The following HMCN1 variants were observed in gnomAD, a reference collection of about 807,000 sequenced individuals.
HMCN1 encodes hemicentin 1, also known as hemicentin-1.
HMCN1 carries 321 observed loss-of-function variants against 625.9 expected under a neutral mutation model. The ratio of observed to expected loss-of-function variants is 0.51; its 90% CI spans 0.47 to 0.56. The LOEUF (loss-of-function observed/expected upper bound fraction) is 0.56. Among genes scored for constraint, HMCN1 ranks in the 20% least tolerant of loss-of-function variants. The pLI, the probability that HMCN1 is intolerant of heterozygous loss-of-function variation, is 0.00. For missense variants in HMCN1, 6,588 were observed against 6,887.3 expected (o/e 0.96, Z 1.54); for synonymous variants, 2,425 against 2,417.6 (o/e 1.00, Z -0.09).
intron 1 of HMCN1, among the ~76,000 whole-genome samples, chr1:185,810,836 C>A (rs1659470393): frequency 6.6e-6 from 1 of 152,078 alleles, no homozygotes; most frequent in Non-Finnish European, 1.5e-5. Flanking sequence ...CAGTAAATTT[C>A]ATTTTTCAAA....
chr1:186,183,381 C>T (rs1653069357), intron 105 of HMCN1, among the ~76,000 whole-genome samples: 3 of 152,180 alleles, frequency 2.0e-5, no homozygotes, highest in Non-Finnish European at 4.4e-5. Flanking sequence ...CACCCATTTA[C>T]TCATTCACAC....
rs772423456 is a variant in HMCN1, at chr1:185,909,455, T to G, written c.740T>G (p.Val247Gly). 1.2e-6 allele frequency: 2 copies of G among 1,613,658 alleles called. No homozygotes were observed. The highest frequency in any genetic ancestry group is 2.2e-5 in the South Asian group (2 of 91,078). The change falls in exon 5 of 107, where the codon GTC (valine) becomes GGC (glycine). Residue 247 changes from valine (V) to glycine (G), a missense_variant. By Grantham distance (109) the Val-to-Gly change is moderately radical (BLOSUM62 -3). Coordinates refer to ENST00000271588, the MANE Select transcript of HMCN1 (RefSeq NM_031935.3). ...CCTTTTGATCCCAGCCTGAAAGAGG[T>G]CACTGTGTCTTTGAGTGGGCCTTCT... ...RIPFDPSLKE[V>G]TVSLSGPSPM... is the part of the protein sequence containing the mutation.
At chr1:185,969,362 T>C (rs1045619554) in intron 14 of HMCN1, among the ~76,000 whole-genome samples, 3 of 152,220 alleles carry the variant, frequency 2.0e-5, no homozygotes, top group African/African-American at 7.2e-5. Context: ...GTAATTTTTT[T>C]CTCAAATTTA....
intron 2 of HMCN1, among the ~76,000 whole-genome samples, chr1:185,851,739 G>A (rs1478593135): frequency 9.2e-5 from 14 of 151,846 alleles, no homozygotes; most frequent in Non-Finnish European, 1.6e-4. Flanking sequence ...ATGCTTTCAA[G>A]CCTTTTATCC....
chr1:185,986,411 G>A (rs1027224125), intron 19 of HMCN1, among the ~76,000 whole-genome samples: 5 of 152,148 alleles, frequency 3.3e-5, no homozygotes, highest in South Asian at 4.1e-4. Context: ...GGATGGAAAG[G>A]AAACGCCTGT....
At chr1:185,971,340 C>G (rs1255922444) in intron 15 of HMCN1, among the ~76,000 whole-genome samples, 1 of 152,122 alleles carries the variant, frequency 6.6e-6, no homozygotes, top group Non-Finnish European at 1.5e-5. Flanking sequence ...AATGAAGATA[C>G]AGTGTATGCA....
At chr1:186,171,506 G>A (rs765261002) in intron 101 of HMCN1, 56 bp downstream of exon 101, 15 of 1,268,294 alleles carry the variant, frequency 1.2e-5, no homozygotes, top group Non-Finnish European at 1.7e-5. Flanking sequence ...TCTTAATGAT[G>A]TCTGATCTAA....
chr1:185,953,839 A>G (rs946542686), intron 11 of HMCN1, among the ~76,000 whole-genome samples: 9 of 151,580 alleles, frequency 5.9e-5, no homozygotes, highest in African/African-American at 2.2e-4. Flanking sequence ...ACCTGGGTGC[A>G]GGTGGGCTGA....
rs542970265 is a variant in HMCN1 at position 186,114,067 on chromosome 1, A to G, written c.11220A>G (p.Pro3740=). ...TGGAATGCATCGCTGAAGGTGTGCCAACTCCAAGGATAACATGGAGAAAGG... is the reference window on the plus strand; with the variant it reads ...TGGAATGCATCGCTGAAGGTGTGCCGACTCCAAGGATAACATGGAGAAAGG... ...TVLECIAEGV[P]TPRITWRKDG... is the part of the protein sequence containing the mutation. The change falls in exon 73 of 107, where the codon CCA becomes CCG. Residue 3740 remains proline, a synonymous_variant. Transcript: ENST00000271588. The G allele has an allele frequency of 1.9e-6, 3 of 1,614,158 alleles. No homozygotes were observed. The East Asian group carries it at 6.7e-5, about 36-fold the overall frequency.
At chr1:186,109,402 C>T (rs888195343) in intron 71 of HMCN1, among the ~76,000 whole-genome samples, 3 of 152,160 alleles carry the variant, frequency 2.0e-5, no homozygotes, top group Admixed American at 1.3e-4. Context: ...ACTTAACCCT[C>T]CAGTACTTCA....
At chr1:186,130,409 C>G in intron 84 of HMCN1, 98 bp from the exon 85 acceptor site, 1 of 1,232,866 alleles carries the variant, frequency 8.1e-7, no homozygotes, top group East Asian at 2.4e-5. Context: ...TGGCTTTACT[C>G]CCCTCTTTAC....
At chr1:186,042,636 C>G (rs1656283402) in intron 40 of HMCN1, among the ~76,000 whole-genome samples, 1 of 152,032 alleles carries the variant, frequency 6.6e-6, no homozygotes, top group Admixed American at 6.6e-5. Context: ...AAATGGCTAG[C>G]TGATATATAT....
At chr1:185,826,651 G>A (rs150640642) in intron 1 of HMCN1, among the ~76,000 whole-genome samples, 151 of 152,270 alleles carry the variant, frequency 9.9e-4, no homozygotes, top group African/African-American at 3.5e-3. Context: ...AGTCTTCATT[G>A]GTTGAGCAAA....
Position 185,734,813 on chromosome 1 carries a change from C to T in HMCN1, c.34C>T (p.Leu12=), listed in dbSNP as rs1464909581. The T allele has an allele frequency of 1.2e-6, 2 of 1,613,924 alleles. No homozygotes were observed. Among genetic ancestry groups the T allele is most frequent in the Admixed American group, 1.7e-5 (1 of 59,996 alleles). ...CTGGGAAGTTGTCCATACAGTATTC[C>T]TGTTTGCTCTTCTTTATTCTTCCCT... ...ISWEVVHTVF[L]FALLYSSLAQ... The change falls in exon 1 of 107, where the codon CTG becomes TTG. Residue 12 remains leucine (L), a synonymous_variant. Coordinates refer to ENST00000271588, the MANE Select transcript of HMCN1 (RefSeq NM_031935.3).
intron 4 of HMCN1, among the ~76,000 whole-genome samples, chr1:185,878,731 C>T (rs75612586): frequency 6.6e-6 from 1 of 152,086 alleles, no homozygotes; most frequent in Admixed American, 6.6e-5. Flanking sequence ...ATTACATATC[C>T]TTTGTCTTTG....
In HMCN1 at chr1:186,145,351, C is replaced by T; in HGVS notation, c.14267-52C>T. On this transcript the variant is annotated intron_variant, in intron 91 of 106. Transcript: ENST00000271588. ...TTTTTGGATGAATGTCATTGTTGAC[C>T]ACTTCTCATTTTAGGGGCTCTGTTT... The T allele has an allele frequency of 2.7e-6, 4 of 1,484,408 alleles. No homozygotes were observed. In the South Asian group the frequency reaches 4.2e-5, roughly 15 times the overall value. 92.0% of individuals were successfully genotyped at this position (1,484,408 alleles called of 1,614,324 possible).
chr1:185,894,441 G>A (rs776292985), intron 4 of HMCN1, among the ~76,000 whole-genome samples: 9 of 152,222 alleles, frequency 5.9e-5, no homozygotes, highest in African/African-American at 1.9e-4. Flanking sequence ...AATGCAAATA[G>A]CATTGTTCAG....
In HMCN1 at chr1:186,126,876, G is replaced by T. The variant is rs149405831; in HGVS notation, c.12690+1082G>T. Among the ~76,000 whole-genome samples, 12 of 152,202 alleles carry T rather than the reference G, an allele frequency of 7.9e-5. No homozygotes were observed. The East Asian group carries it at 2.1e-3, about 27-fold the overall frequency. Reference sequence around the variant, plus strand: ...TATGCCTTAAATTTTAAAGGGTTACGTTGGCTGTTGTGATGAGAATCAAAG... The same window carrying T: ...TATGCCTTAAATTTTAAAGGGTTACTTTGGCTGTTGTGATGAGAATCAAAG... On this transcript the variant is annotated intron_variant, in intron 82 of 106. Coordinates refer to ENST00000271588, the MANE Select transcript of HMCN1 (RefSeq NM_031935.3).
chr1:185,992,181 A>G (rs1357615189), intron 22 of HMCN1, among the ~76,000 whole-genome samples: 1 of 152,058 alleles, frequency 6.6e-6, no homozygotes, highest in East Asian at 1.9e-4. Context: ...TGTCTTTTAT[A>G]TGTGTTGAAA....
Sources: allele counts gnomAD v4.1 joint callset (sites outside exome capture counted in the v4.1 genomes callset), GRCh38; gene constraint gnomAD v4.1.1; transcripts MANE v1.5; gene names NCBI Gene and HGNC (gene_info 2026-07-23, HGNC 2026-07-21).